Variants in ANKRD18A observed in about 807,000 individuals in gnomAD.
ANKRD18A encodes ankyrin repeat domain 18A, also known as ankyrin repeat domain-containing protein 18A.
ANKRD18A carries 72 observed loss-of-function variants against 110.6 expected under a neutral mutation model. That is an observed-to-expected ratio of 0.65 (90% CI 0.54 to 0.79). The LOEUF is 0.79. Ranked by LOEUF, ANKRD18A falls within the 30% of genes least tolerant of loss-of-function variation. The pLI is 0.00. For synonymous variants in ANKRD18A, 305 were observed against 410.3 expected (o/e 0.74, Z 3.10); for missense variants, 934 against 1,163.3 (o/e 0.80, Z 2.87).
intron 7 of ANKRD18A, among the ~76,000 whole-genome samples, chr9:38,602,749 C>T (rs1384583032): frequency 1.3e-5 from 2 of 152,218 alleles, no homozygotes; most frequent in East Asian, 1.9e-4. Flanking sequence ...CAGCTAACTG[C>T]AGGCTCAAAG....
Position 38,593,764 on chromosome 9 carries a change from A to G in ANKRD18A, c.2000T>C (p.Ile667Thr). 6.5e-7 allele frequency: 1 copy of G among 1,528,834 alleles called. No homozygotes were observed. The highest frequency in any genetic ancestry group is 1.4e-5 in the African/African-American group (1 of 72,210). 94.7% of individuals were successfully genotyped at this position (1,528,834 alleles called of 1,614,324 possible). Residue 667 changes from isoleucine to threonine, a missense_variant, in exon 10 of 16, where the codon ATT (isoleucine) becomes ACT (threonine). Coordinates refer to ENST00000399703, the MANE Select transcript of ANKRD18A (RefSeq NM_147195.4). Reference sequence around the variant, plus strand: ...CATGTTAAATTCCATACATACTTGAATTTCTACTTGAAATAATTTCTTCTT... The same window carrying G: ...CATGTTAAATTCCATACATACTTGAGTTTCTACTTGAAATAATTTCTTCTT... ...TSKKKLFQVE[I>T]QPEEKHEEFR...
chr9:38,605,633 G>T (rs1825318071), intron 6 of ANKRD18A, among the ~76,000 whole-genome samples: 1 of 151,622 alleles, frequency 6.6e-6, no homozygotes, highest in Non-Finnish European at 1.5e-5. Context: ...GGTTTTTTTT[G>T]AGATGGAATC....
At chr9:38,614,219 G>GTTTT (rs58955752) in intron 3 of ANKRD18A, among the ~76,000 whole-genome samples, 17 of 68,838 alleles carry the variant, frequency 2.5e-4, no homozygotes, top group African/African-American at 2.9e-4. Context: ...GAACACTGAG[G>GTTTT]TTTTTTTTTT....
chr9:38,614,219 G>GTTTTTTTT (rs58955752), intron 3 of ANKRD18A, among the ~76,000 whole-genome samples: 127 of 68,764 alleles, frequency 1.8e-3, no homozygotes, highest in Non-Finnish European at 2.3e-3. Flanking sequence ...GAACACTGAG[G>GTTTTTTTT]TTTTTTTTTT....
intron 8 of ANKRD18A, among the ~76,000 whole-genome samples, 177 bp downstream of exon 8, chr9:38,600,954 T>A (rs1825095488): frequency 1.3e-5 from 2 of 152,230 alleles, no homozygotes; most frequent in African/African-American, 4.8e-5. Flanking sequence ...TATAGACTAT[T>A]AGAATATTTT....
In ANKRD18A at chr9:38,607,309, G is replaced by A. The variant is rs190425323; in HGVS notation, c.808+117C>T. ...TGACCTCAGGTGATCCACCCGCCTC[G>A]GCCTCCCAAAGTGCTGGGATTACAG... On this transcript the variant is annotated intron_variant, in intron 6 of 15. Transcript: ENST00000399703. 1.5e-3 allele frequency: 1,086 copies of A among 737,122 alleles called. 8 individuals carry two copies. The African/African-American group carries it at 0.018, about 12-fold the overall frequency. The allele number at this position is 737,122 out of a possible 1,614,324, so 45.7% of individuals were successfully genotyped here. A position where few individuals can be genotyped will look rare whatever the true frequency, so the allele number is the denominator to read the frequency against.
intron 1 of ANKRD18A, 116 bp downstream of exon 1, chr9:38,619,962 GGC>G: frequency 7.8e-7 from 1 of 1,285,132 alleles, no homozygotes; most frequent in African/African-American, 1.5e-5. Flanking sequence ...GGCTCCATTT[GGC>G]TCCGCTGCTC....
downstream of ANKRD18A, chr9:38,569,428 G>A: frequency 1.3e-5 from 13 of 985,360 alleles, no homozygotes; most frequent in Non-Finnish European, 1.6e-5. Flanking sequence ...GCTGTGTTGA[G>A]ATGTGCCTTT....
chr9:38,619,318 C>T (rs931191825), intron 1 of ANKRD18A, among the ~76,000 whole-genome samples: 1 of 152,130 alleles, frequency 6.6e-6, no homozygotes, highest in African/African-American at 2.4e-5. Flanking sequence ...ATTAATAACT[C>T]ATCTTTTCCT....
chr9:38,618,872 TA>T (rs1024565430), intron 1 of ANKRD18A, among the ~76,000 whole-genome samples: 5 of 149,820 alleles, frequency 3.3e-5, no homozygotes, highest in Non-Finnish European at 5.9e-5. Context: ...ATAACTGATA[TA>T]TATATATAAC....
rs1264523998 is a variant in ANKRD18A, at chr9:38,595,519, C to A, written c.1821G>T (p.Leu607=). ...CTGCTTTTTCTTTTTCACACTGAAG[C>A]AGTTTTTCTTTTAAATAATTATATT... ...MKEYNYLKEK[L]LQCEKEKAER... is the part of the protein sequence containing the mutation. Residue 607 remains leucine, a synonymous_variant, in exon 9 of 16, where the codon CTG becomes CTT. Transcript: ENST00000399703. 1 of 1,498,156 alleles carries A rather than the reference C, an allele frequency of 6.7e-7. No homozygotes were observed. Among genetic ancestry groups the A allele is most frequent in the Non-Finnish European group, 8.9e-7 (1 of 1,125,048 alleles). 92.8% of individuals were successfully genotyped at this position (1,498,156 alleles called of 1,614,324 possible). A position where few individuals can be genotyped will look rare whatever the true frequency, so the allele number is the denominator to read the frequency against.
At chr9:38,583,930 A>G (rs983022175) in intron 12 of ANKRD18A, among the ~76,000 whole-genome samples, 5 of 152,238 alleles carry the variant, frequency 3.3e-5, no homozygotes, top group African/African-American at 1.2e-4. Flanking sequence ...TCCGGTGCAG[A>G]TAAGGGAACC....
chr9:38,606,465 T>C (rs1825363645), intron 6 of ANKRD18A, among the ~76,000 whole-genome samples: 1 of 152,204 alleles, frequency 6.6e-6, no homozygotes, highest in Admixed American at 6.5e-5. Flanking sequence ...AGTAAGTATA[T>C]TTTTTTCTTT....
rs755653036 is a variant in ANKRD18A at position 38,578,161 on chromosome 9, A to T, written c.2248-13T>A. 14 of 1,531,334 alleles carry T rather than the reference A, an allele frequency of 9.1e-6. No individual in the cohort carries two copies. In the Admixed American group the frequency reaches 3.2e-4, roughly 35 times the overall value. The allele number at this position is 1,531,334 out of a possible 1,614,324, so 94.9% of individuals were successfully genotyped here. On this transcript the variant is annotated splice_polypyrimidine_tract_variant and intron_variant, in intron 12 of 15. Transcript: ENST00000399703. Reference sequence around the variant, plus strand: ...CAAGATCATTAAACTGCATTAAGAAAATAATAGAGCTTGATAATGAAGTAG... The same window carrying T: ...CAAGATCATTAAACTGCATTAAGAATATAATAGAGCTTGATAATGAAGTAG...
chr9:38,617,910 GTAA>G (rs539442139), intron 1 of ANKRD18A, among the ~76,000 whole-genome samples: 41 of 152,220 alleles, frequency 2.7e-4, no homozygotes, highest in African/African-American at 9.9e-4. Flanking sequence ...TTTTGTGATA[GTAA>G]TAATATTTGC....
chr9:38,614,489 G>C (rs1825775909), intron 3 of ANKRD18A, among the ~76,000 whole-genome samples: 1 of 152,062 alleles, frequency 6.6e-6, no homozygotes, highest in South Asian at 2.1e-4. Context: ...GAACTTATTA[G>C]ATCTATTACA....
rs559073269 is a variant in ANKRD18A at position 38,587,478 on chromosome 9, A to G, written c.2117+1073T>C. ...TATATAAAATTTATTTCTGTAAAAC[A>G]GAAGTTTAATAAGATGTATACTTCA... On this transcript the variant is annotated intron_variant, in intron 11 of 15. Transcript: ENST00000399703. Among the ~76,000 whole-genome samples, 18 of 152,306 alleles carry G rather than the reference A, an allele frequency of 1.2e-4. No individual in the cohort carries two copies. The South Asian group carries it at 2.3e-3, about 19-fold the overall frequency.
chr9:38,606,931 G>A (rs1354625414), intron 6 of ANKRD18A, among the ~76,000 whole-genome samples: 1 of 152,016 alleles, frequency 6.6e-6, no homozygotes, highest in African/African-American at 2.4e-5. Flanking sequence ...GTTTGAGATT[G>A]AGAATTAGCT....
chr9:38,571,336 C>A (rs1477031969), downstream of ANKRD18A: 9 of 942,074 alleles, frequency 9.6e-6, no homozygotes, highest in Admixed American at 3.8e-5. Context: ...TCTTGGGGAA[C>A]TGGAGCACCA....
Sources: allele counts gnomAD v4.1 joint callset (sites outside exome capture counted in the v4.1 genomes callset), GRCh38; gene constraint gnomAD v4.1.1; transcripts MANE v1.5; gene names NCBI Gene and HGNC (gene_info 2026-07-23, HGNC 2026-07-21).